Variants in LHFPL2 observed in about 807,000 individuals in gnomAD.
The protein encoded by LHFPL2 is LHFPL tetraspan subfamily member 2 protein.
LHFPL2 carries 7 observed loss-of-function variants against 17.5 expected under a neutral mutation model. That is an observed-to-expected ratio of 0.40 (90% CI 0.23 to 0.75). LHFPL2 has a LOEUF of 0.75. LHFPL2 is among the 30% of genes least tolerant of loss of function. The pLI, the probability that LHFPL2 is intolerant of heterozygous loss-of-function variation, is 0.37. For missense variants in LHFPL2, 241 were observed against 294.8 expected (o/e 0.82, Z 1.34); for synonymous variants, 134 against 116.2 (o/e 1.15, Z -0.99).
chr5:78,578,585 G>GCGCA (rs772082107), intron 2 of LHFPL2, among the ~76,000 whole-genome samples: 3 of 146,998 alleles, frequency 2.0e-5, no homozygotes, highest in East Asian at 4.0e-4. Flanking sequence ...TTGCATATGT[G>GCGCA]CACACACACA....
intron 2 of LHFPL2, among the ~76,000 whole-genome samples, chr5:78,603,590 T>C (rs553421431): frequency 6.6e-6 from 1 of 152,312 alleles, no homozygotes; most frequent in African/African-American, 2.4e-5. Flanking sequence ...TACTTAAAGA[T>C]GTTTGCTGGC....
intron 4 of LHFPL2, among the ~76,000 whole-genome samples, chr5:78,498,827 G>A (rs1283316393): frequency 1.3e-5 from 2 of 152,216 alleles, no homozygotes; most frequent in South Asian, 2.1e-4. Context: ...CATCTATCTG[G>A]AAAACTATCC....
At chr5:78,589,199 A>T (rs1743537352) in intron 2 of LHFPL2, among the ~76,000 whole-genome samples, 1 of 152,154 alleles carries the variant, frequency 6.6e-6, no homozygotes, top group African/African-American at 2.4e-5. Context: ...GGCCAGGCGC[A>T]GTGGCTCACG....
chr5:78,624,123 G>A (rs1271100550), intron 2 of LHFPL2, among the ~76,000 whole-genome samples: 1 of 152,214 alleles, frequency 6.6e-6, no homozygotes, highest in Admixed American at 6.5e-5. Flanking sequence ...GGCCTGCAGA[G>A]AGCCTGCCAG....
chr5:78,634,881 T>C (rs77205504), intron 1 of LHFPL2, among the ~76,000 whole-genome samples: 4,689 of 152,324 alleles, frequency 0.031, 268 homozygotes, highest in African/African-American at 0.11. Context: ...TTATTTGTGA[T>C]AAGAATGGAA....
chr5:78,490,958 T>C (rs1231018416), intron 4 of LHFPL2: 4 of 152,200 alleles, frequency 2.6e-5, no homozygotes, highest in African/African-American at 7.2e-5. Flanking sequence ...ACTGAAATTC[T>C]CTGGGTTTAC....
At chr5:78,611,332 A>C (rs893365368) in intron 2 of LHFPL2, among the ~76,000 whole-genome samples, 3 of 151,916 alleles carry the variant, frequency 2.0e-5, no homozygotes, top group Non-Finnish European at 4.4e-5. Context: ...TCAAAGGAGA[A>C]CTCCACCTGG....
intron 2 of LHFPL2, among the ~76,000 whole-genome samples, chr5:78,593,487 G>T (rs983688682): frequency 6.6e-6 from 1 of 152,054 alleles, no homozygotes; most frequent in Non-Finnish European, 1.5e-5. Flanking sequence ...ATGACAAAAA[G>T]CTCTTTTAAA....
chr5:78,586,209 C>T (rs563880697), intron 2 of LHFPL2, among the ~76,000 whole-genome samples: 1 of 152,158 alleles, frequency 6.6e-6, no homozygotes, highest in Non-Finnish European at 1.5e-5. Flanking sequence ...ACTCAAACCT[C>T]AAAGAACTTT....
At chr5:78,579,360 A>G (rs1252592852) in intron 2 of LHFPL2, among the ~76,000 whole-genome samples, 2 of 151,552 alleles carry the variant, frequency 1.3e-5, no homozygotes, top group African/African-American at 2.4e-5. Flanking sequence ...TTATTATTAT[A>G]CTTTAAGTTT....
intron 4 of LHFPL2, among the ~76,000 whole-genome samples, chr5:78,495,042 A>G (rs1271576016): frequency 6.6e-6 from 1 of 152,214 alleles, no homozygotes; most frequent in African/African-American, 2.4e-5. Flanking sequence ...GGGATATCAA[A>G]TACTTTTAAT....
intron 2 of LHFPL2, among the ~76,000 whole-genome samples, chr5:78,588,305 C>G (rs938446529): frequency 6.6e-6 from 1 of 152,138 alleles, no homozygotes; most frequent in Non-Finnish European, 1.5e-5. Flanking sequence ...CGAGTGATTA[C>G]GAATACAGGT....
intron 3 of LHFPL2, among the ~76,000 whole-genome samples, chr5:78,531,494 T>C (rs1362711504): frequency 1.3e-5 from 2 of 152,194 alleles, no homozygotes; most frequent in African/African-American, 4.8e-5. Flanking sequence ...AGCATTCCTT[T>C]CTTTTTGCCT....
intron 2 of LHFPL2, among the ~76,000 whole-genome samples, chr5:78,609,450 C>CAAAAAAAAAAAAAAAAAAAAAAA (rs71613975): frequency 1.7e-4 from 7 of 40,680 alleles, no homozygotes; most frequent in African/African-American, 5.1e-4. Context: ...GACTCAGTCT[C>CAAAAAAAAAAAAAAAAAAAAAAA]AAAAAAAAAA....
rs1743075482 is a variant in LHFPL2, at chr5:78,580,406, A to G, written c.-244-15535T>C. On this transcript the variant is annotated intron_variant, in intron 2 of 4. Transcript: ENST00000380345. ...TGCCATTGCTTTTGGTGTTTTAGAC[A>G]TGAAGTCCTTGCCCATGCCTATGTC... 2.0e-5 allele frequency among the ~76,000 whole-genome samples: 3 copies of G among 152,016 alleles called. No homozygotes were observed. The South Asian group carries it at 6.2e-4, about 32-fold the overall frequency.
At chr5:78,540,847 C>G (rs1290730954) in intron 3 of LHFPL2, among the ~76,000 whole-genome samples, 1 of 152,148 alleles carries the variant, frequency 6.6e-6, no homozygotes, top group Non-Finnish European at 1.5e-5. Flanking sequence ...TGCTGAGCAA[C>G]CCCTAACTTG....
chr5:78,578,071 T>C (rs1238964201), intron 2 of LHFPL2, among the ~76,000 whole-genome samples: 1 of 152,224 alleles, frequency 6.6e-6, no homozygotes. Flanking sequence ...AGTACAGATG[T>C]TGGCTTGATC....
intron 3 of LHFPL2, among the ~76,000 whole-genome samples, chr5:78,521,464 C>T (rs1755455963): frequency 6.6e-6 from 1 of 152,164 alleles, no homozygotes; most frequent in African/African-American, 2.4e-5. Context: ...ACTGAGATGA[C>T]ATTAATTTAA....
chr5:78,640,028 G>A lies in LHFPL2; in HGVS notation c.-349-7660C>T, dbSNP rs557589339. On this transcript the variant is annotated intron_variant, in intron 1 of 4. Transcript: ENST00000380345. Reference sequence around the variant, plus strand: ...AGGAAGCTTGAACTCCAGGTGCCCCGACAACACAGCACAGTGTGGAAAGAA... The same window carrying A: ...AGGAAGCTTGAACTCCAGGTGCCCCAACAACACAGCACAGTGTGGAAAGAA... 2.0e-4 allele frequency among the ~76,000 whole-genome samples: 30 copies of A among 152,226 alleles called. No individual in the cohort carries two copies. In the South Asian group the frequency reaches 2.9e-3, roughly 15 times the overall value.
Sources: allele counts gnomAD v4.1 joint callset (sites outside exome capture counted in the v4.1 genomes callset), GRCh38; gene constraint gnomAD v4.1.1; transcripts MANE v1.5; gene names NCBI Gene and HGNC (gene_info 2026-07-23, HGNC 2026-07-21).